Variants in LOC128092252 observed in about 807,000 individuals in gnomAD.
chr15:50,650,776 C>T, the LOC128092252 span, among the ~76,000 whole-genome samples: 11 of 152,106 alleles, frequency 7.2e-5, no homozygotes, highest in African/African-American at 2.7e-4. Flanking sequence ...CTGAAAGGAT[C>T]AAACTGATCC....
At chr15:50,652,328 C>CAAAAAA in the LOC128092252 span, among the ~76,000 whole-genome samples, 6 of 34,226 alleles carry the variant, frequency 1.8e-4, no homozygotes, top group African/African-American at 5.7e-4. Context: ...GACTCCATCT[C>CAAAAAA]AAAAAAAAAA....
the LOC128092252 span, among the ~76,000 whole-genome samples, chr15:50,662,052 T>C: frequency 4.0e-5 from 6 of 151,890 alleles, no homozygotes; most frequent in Non-Finnish European, 1.5e-5. Flanking sequence ...ACCCTGTTTC[T>C]ACTAAAAATA....
chr15:50,686,498 C>T, the LOC128092252 span: 13 of 1,613,928 alleles, frequency 8.1e-6, no homozygotes, highest in Admixed American at 1.5e-4. Flanking sequence ...ACCCCAGAAC[C>T]ATTCCCCGCC....
chr15:50,678,747 A>C, the LOC128092252 span, among the ~76,000 whole-genome samples: 1 of 152,102 alleles, frequency 6.6e-6, no homozygotes, highest in Non-Finnish European at 1.5e-5. Context: ...TAAAAACTTA[A>C]GGCCAGGTGC....
chr15:50,670,059 T>C, the LOC128092252 span, among the ~76,000 whole-genome samples: 1 of 152,304 alleles, frequency 6.6e-6, no homozygotes, highest in Middle Eastern at 3.4e-3. Context: ...GTCAGAACTC[T>C]GAGTTATGGA....
the LOC128092252 span, among the ~76,000 whole-genome samples, chr15:50,654,370 C>T: frequency 6.6e-6 from 1 of 151,256 alleles, no homozygotes; most frequent in East Asian, 1.9e-4. Context: ...TTGCTTGAAC[C>T]CGGGAGGCAG....
chr15:50,683,969 C>G, the LOC128092252 span, among the ~76,000 whole-genome samples: 1 of 151,838 alleles, frequency 6.6e-6, no homozygotes, highest in Non-Finnish European at 1.5e-5. Flanking sequence ...AACGGAGTCT[C>G]CTGCCTCAGC....
chr15:50,664,785 C>T, the LOC128092252 span, among the ~76,000 whole-genome samples: 3 of 152,006 alleles, frequency 2.0e-5, no homozygotes, highest in Non-Finnish European at 2.9e-5. Flanking sequence ...CACAGTGAGA[C>T]TCCATCTCTA....
chr15:50,652,549 A>C, the LOC128092252 span, among the ~76,000 whole-genome samples: 64 of 151,446 alleles, frequency 4.2e-4, no homozygotes, highest in Admixed American at 4.2e-3. Flanking sequence ...AAAATCATTA[A>C]TACACCTTTC....
the LOC128092252 span, among the ~76,000 whole-genome samples, chr15:50,681,904 CTG>C: frequency 6.6e-6 from 1 of 152,078 alleles, no homozygotes; most frequent in African/African-American, 2.4e-5. Context: ...TCATAAAAGA[CTG>C]TGCGGTGGCT....
the LOC128092252 span, among the ~76,000 whole-genome samples, chr15:50,660,255 A>G: frequency 6.6e-6 from 1 of 152,224 alleles, no homozygotes; most frequent in African/African-American, 2.4e-5. Flanking sequence ...AGAACTAATC[A>G]AAAACATTTA....
At chr15:50,665,428 C>G in the LOC128092252 span, among the ~76,000 whole-genome samples, 52,801 of 151,046 alleles carry the variant, frequency 0.35, 10,419 homozygotes, top group Admixed American at 0.48. Context: ...TGTGCTTGAC[C>G]ATAAAATAAG....
the LOC128092252 span, among the ~76,000 whole-genome samples, chr15:50,668,082 T>G: frequency 2.0e-5 from 3 of 152,254 alleles, no homozygotes; most frequent in Non-Finnish European, 4.4e-5. Flanking sequence ...TAAGACTTTT[T>G]GTCATCAACA....
At chr15:50,655,426 C>A in the LOC128092252 span, among the ~76,000 whole-genome samples, 1 of 144,796 alleles carries the variant, frequency 6.9e-6, no homozygotes, top group African/African-American at 2.5e-5. Context: ...GACCAAGACT[C>A]CATCTCAAAG....
the LOC128092252 span, among the ~76,000 whole-genome samples, chr15:50,659,868 A>G: frequency 6.6e-6 from 1 of 152,256 alleles, no homozygotes; most frequent in East Asian, 1.9e-4. Context: ...CGGTTTCACC[A>G]TGTTGGCCAG....
chr15:50,684,156 GTTT>G, the LOC128092252 span, among the ~76,000 whole-genome samples: 1 of 142,820 alleles, frequency 7.0e-6, no homozygotes, highest in Non-Finnish European at 1.5e-5. Context: ...TGATTAAGTC[GTTT>G]TTTTTTTTTC....
At chr15:50,666,778 G>T in the LOC128092252 span, among the ~76,000 whole-genome samples, 1 of 152,052 alleles carries the variant, frequency 6.6e-6, no homozygotes, top group African/African-American at 2.4e-5. Context: ...CTCCAGCCTG[G>T]GCAACAAGAG....
At chr15:50,664,501 G>A in the LOC128092252 span, among the ~76,000 whole-genome samples, 1 of 152,088 alleles carries the variant, frequency 6.6e-6, no homozygotes, top group Non-Finnish European at 1.5e-5. Flanking sequence ...TAGGGATAGA[G>A]AAGGTTATTA....
the LOC128092252 span, among the ~76,000 whole-genome samples, chr15:50,663,708 G>A: frequency 6.6e-6 from 1 of 152,162 alleles, no homozygotes; most frequent in Non-Finnish European, 1.5e-5. Context: ...GCTCACACCT[G>A]TAATCTCAAC....
Sources: gnomAD v4.1 joint callset for allele counts (sites outside exome capture counted in the v4.1 genomes callset) on GRCh38, gnomAD v4.1.1 for gene constraint, MANE v1.5 for transcripts.